CSRP2: variants seen among roughly 807,000 people sequenced by gnomAD.
CSRP2 encodes the protein cysteine and glycine-rich protein 2.
A neutral mutation model predicts 24.6 loss-of-function variants in CSRP2; 18 were observed. The ratio of observed to expected loss-of-function variants is 0.73; its 90% CI spans 0.51 to 1.09. The LOEUF is 1.09. CSRP2 is among the 50% of genes least tolerant of loss of function. CSRP2 has a pLI of 0.00. For synonymous variants in CSRP2, 87 were observed against 84.3 expected (o/e 1.03, Z -0.18); for missense variants, 215 against 239.4 (o/e 0.90, Z 0.67).
At chr12:76,859,840 C>T (rs1488319980) in intron 4 of CSRP2, among the ~76,000 whole-genome samples, 200 bp from the exon 5 acceptor site, 1 of 152,206 alleles carries the variant, frequency 6.6e-6, no homozygotes, top group African/African-American at 2.4e-5. Flanking sequence ...TCCCTAAGAG[C>T]AGCCTCAGTC....
At chr12:76,876,281 C>T (rs1467261515) in intron 1 of CSRP2, among the ~76,000 whole-genome samples, 1 of 152,158 alleles carries the variant, frequency 6.6e-6, no homozygotes, top group African/African-American at 2.4e-5. Context: ...AAACAAGGAA[C>T]CTGATATCCT....
At chr12:76,865,885 G>A (rs1183091913) in intron 2 of CSRP2, 2 of 460,772 alleles carry the variant, frequency 4.3e-6, no homozygotes, top group African/African-American at 2.0e-5. Flanking sequence ...TCAGTGAGGT[G>A]GGGGAGGCAG....
At chr12:76,865,604 A>G (rs962478221) in intron 2 of CSRP2, 1 of 152,376 alleles carries the variant, frequency 6.6e-6, no homozygotes, top group African/African-American at 2.4e-5. Flanking sequence ...ACTATTGATA[A>G]GGCAAACATC....
chr12:76,867,084 G>C (rs546286355), intron 1 of CSRP2, among the ~76,000 whole-genome samples: 2 of 152,272 alleles, frequency 1.3e-5, no homozygotes, highest in East Asian at 1.9e-4. Flanking sequence ...AGTATGGCCT[G>C]CTGTAAAGGG....
rs111923859 is a variant in CSRP2, at chr12:76,866,204, G to T, written c.57C>A (p.His19Gln). Reference sequence around the variant, plus strand: ...TGCCATCACACTGCACCTCTTCTGCGTGGTACACGGTCCTCCCACAGGCCC... The same window carrying T: ...TGCCATCACACTGCACCTCTTCTGCTTGGTACACGGTCCTCCCACAGGCCC... ...KCGACGRTVY[H>Q]AEEVQCDGRS... Residue 19 changes from histidine to glutamine, a missense_variant, in exon 2 of 6, where the codon CAC (histidine) becomes CAA (glutamine). His to Gln is a conservative substitution (Grantham distance 24). Coordinates refer to ENST00000311083, the MANE Select transcript of CSRP2 (RefSeq NM_001321.3). 317 of 1,614,142 alleles carry T rather than the reference G, an allele frequency of 2.0e-4. No homozygotes were observed. In the African/African-American group the frequency reaches 3.8e-3, roughly 19 times the overall value.
chr12:76,876,229 G>A (rs1424366379), intron 1 of CSRP2, among the ~76,000 whole-genome samples: 2 of 152,062 alleles, frequency 1.3e-5, no homozygotes, highest in Non-Finnish European at 2.9e-5. Context: ...CTTATTAGTC[G>A]AAGACAATAG....
chr12:76,876,409 TA>T (rs1206240990), intron 1 of CSRP2, among the ~76,000 whole-genome samples: 1 of 151,944 alleles, frequency 6.6e-6, no homozygotes, highest in African/African-American at 2.4e-5. Context: ...GGAAAAAATA[TA>T]AAAAAAAGAA....
intron 3 of CSRP2, chr12:76,861,379 T>A (rs1336020772): frequency 1.4e-5 from 2 of 147,732 alleles, no homozygotes; most frequent in Admixed American, 6.7e-5. Flanking sequence ...TTTTTTTTTT[T>A]TTAAAAAAAG....
chr12:76,861,636 A>G (rs1312535982), intron 3 of CSRP2: 2 of 152,214 alleles, frequency 1.3e-5, no homozygotes, highest in Admixed American at 6.5e-5. Context: ...TGGCCCAGAA[A>G]CTCTGAGGGT....
At position 76,862,610 on chromosome 12, in the gene CSRP2, C is replaced by G. The variant is rs912826222; in HGVS notation, c.281+566G>C. On this transcript the variant is annotated intron_variant, in intron 3 of 5. Transcript: ENST00000311083. Reference sequence around the variant, plus strand: ...AGTTATTTAACCTGAATATGAAATACTAAGTGAACTTTCACAAATTTAGCA... The same window carrying G: ...AGTTATTTAACCTGAATATGAAATAGTAAGTGAACTTTCACAAATTTAGCA... 4.9e-6 allele frequency: 3 copies of G among 606,660 alleles called. No homozygotes were observed. The African/African-American group carries it at 5.7e-5, about 12-fold the overall frequency. 37.6% of individuals were successfully genotyped at this position (606,660 alleles called of 1,614,324 possible). A position where few individuals can be genotyped will look rare whatever the true frequency, so the allele number is the denominator to read the frequency against.
At chr12:76,867,891 G>C (rs895344187) in intron 1 of CSRP2, among the ~76,000 whole-genome samples, 2 of 152,166 alleles carry the variant, frequency 1.3e-5, no homozygotes, top group African/African-American at 2.4e-5. Flanking sequence ...ACCCCATTAA[G>C]GTGATCCAGA....
chr12:76,877,851 A>G (rs544051334), intron 1 of CSRP2, among the ~76,000 whole-genome samples: 30 of 152,292 alleles, frequency 2.0e-4, no homozygotes, highest in South Asian at 1.0e-3. Flanking sequence ...GTCCTATTTG[A>G]ATTCTTGGCA....
At chr12:76,859,456 CTT>C (rs529262700) in intron 5 of CSRP2, 89 bp downstream of exon 5, 7,368 of 647,520 alleles carry the variant, frequency 0.011, no homozygotes, top group South Asian at 0.025. Flanking sequence ...GCATACTTTT[CTT>C]TTTTTTTTTT....
At chr12:76,869,757 TC>T (rs1953778014) in intron 1 of CSRP2, among the ~76,000 whole-genome samples, 2 of 152,210 alleles carry the variant, frequency 1.3e-5, no homozygotes, top group African/African-American at 2.4e-5. Context: ...TTACAAGCTT[TC>T]CTTTTGTAGC....
At chr12:76,874,639 T>A (rs1000172569) in intron 1 of CSRP2, among the ~76,000 whole-genome samples, 1 of 152,156 alleles carries the variant, frequency 6.6e-6, no homozygotes, top group African/African-American at 2.4e-5. Flanking sequence ...CTGTGTTTTG[T>A]GTTCAGGCTA....
At chr12:76,862,889 G>T in intron 3 of CSRP2, 3 of 1,530,540 alleles carry the variant, frequency 2.0e-6, no homozygotes, top group Non-Finnish European at 2.6e-6. Context: ...GGTCTCCAAG[G>T]TGCTGTGAAA....
At chr12:76,859,702 G>T in intron 4 of CSRP2, 62 bp from the exon 5 acceptor site, 3 of 1,267,262 alleles carry the variant, frequency 2.4e-6, no homozygotes, top group Non-Finnish European at 3.4e-6. Flanking sequence ...CAATTTAGAT[G>T]TATGGCAAGA....
intron 1 of CSRP2, among the ~76,000 whole-genome samples, chr12:76,867,309 C>T (rs11115910): frequency 2.3e-5 from 3 of 130,996 alleles, no homozygotes; most frequent in Admixed American, 9.1e-5. Flanking sequence ...ACCAACATAG[C>T]GAAACCCCGT....
chr12:76,877,970 C>T (rs1036538536), intron 1 of CSRP2, among the ~76,000 whole-genome samples: 1 of 118,618 alleles, frequency 8.4e-6, no homozygotes, highest in Admixed American at 8.4e-5. Flanking sequence ...CCCCACCCCC[C>T]CACCCCCCAA....
Sources: gnomAD v4.1 joint callset for allele counts (sites outside exome capture counted in the v4.1 genomes callset) on GRCh38, gnomAD v4.1.1 for gene constraint, MANE v1.5 for transcripts, NCBI Gene and HGNC (gene_info 2026-07-23, HGNC 2026-07-21) for gene names.